Variants in TRIO observed in about 807,000 individuals in gnomAD.
TRIO encodes triple functional domain protein.
A neutral mutation model predicts 351.9 loss-of-function variants in TRIO; 58 were observed. That is an observed-to-expected ratio of 0.16 (90% confidence interval 0.13 to 0.21). The LOEUF (loss-of-function observed/expected upper bound fraction) is 0.21. Among genes scored for constraint, TRIO ranks in the 10% least tolerant of loss-of-function variants. The probability of loss-of-function intolerance (pLI) is 1.00; values close to 1 mark genes in which losing one functional copy is unlikely to be tolerated. For synonymous variants in TRIO, 1,758 were observed against 1,595.7 expected (o/e 1.10, Z -2.42); for missense variants, 3,201 against 4,027.8 (o/e 0.79, Z 5.56).
chr5:14,171,195 A>G (rs1366532660), intron 1 of TRIO, among the ~76,000 whole-genome samples: 5 of 152,190 alleles, frequency 3.3e-5, no homozygotes, highest in Admixed American at 6.5e-5. Flanking sequence ...TTGTCACTTC[A>G]GTTTGCATGA....
intron 34 of TRIO, among the ~76,000 whole-genome samples, chr5:14,450,185 G>A (rs570867792): frequency 4.3e-4 from 65 of 152,294 alleles, no homozygotes; most frequent in Non-Finnish European, 6.2e-4. Context: ...ATATCTCTAG[G>A]ACTCCTCACT....
chr5:14,331,616 T>C (rs1740911248), intron 10 of TRIO, among the ~76,000 whole-genome samples: 2 of 152,134 alleles, frequency 1.3e-5, no homozygotes, highest in African/African-American at 4.8e-5. Context: ...GAACCTCATG[T>C]TTAGGTGGTG....
intron 1 of TRIO, among the ~76,000 whole-genome samples, chr5:14,252,855 T>C (rs894822240): frequency 6.6e-6 from 1 of 151,444 alleles, no homozygotes; most frequent in Non-Finnish European, 1.5e-5. Context: ...TTGAGGGGAG[T>C]GGAAGCAGGC....
intron 34 of TRIO, 110 bp from the exon 35 acceptor site, chr5:14,460,909 C>A: frequency 7.6e-7 from 1 of 1,310,276 alleles, no homozygotes; most frequent in Non-Finnish European, 1.0e-6. Flanking sequence ...AGCCCGCTGA[C>A]GAGGCATCCA....
intron 7 of TRIO, among the ~76,000 whole-genome samples, chr5:14,300,475 A>C (rs1214209496): frequency 5.9e-5 from 9 of 152,226 alleles, no homozygotes; most frequent in Non-Finnish European, 5.9e-5. Context: ...GCACAGATAC[A>C]CATTTCTATC....
chr5:14,290,699 AT>A lies in TRIO; in HGVS notation c.541-9del. 11 of 1,570,408 alleles carry A rather than the reference AT, an allele frequency of 7.0e-6. No individual in the cohort carries two copies. The highest frequency in any genetic ancestry group is 2.3e-5 in the East Asian group (1 of 44,340). The stretch of plus-strand genomic sequence containing the variant: ...AAATTGGTTCATCTTCTCATACGTG[AT>A]TTTTTTTCCCTTAAGACAAATATGG... On this transcript the variant is annotated splice_polypyrimidine_tract_variant and intron_variant, in intron 4 of 56. Coordinates refer to ENST00000344204, the MANE Select transcript of TRIO (RefSeq NM_007118.4).
intron 1 of TRIO, among the ~76,000 whole-genome samples, chr5:14,213,034 T>G (rs2152196865): frequency 6.6e-6 from 1 of 152,292 alleles, no homozygotes; most frequent in Non-Finnish European, 1.5e-5. Flanking sequence ...ACGGACAAAG[T>G]ACACTAGGGG....
chr5:14,261,339 T>C lies in TRIO; in HGVS notation c.158-9486T>C, dbSNP rs558008859. Among the ~76,000 whole-genome samples, 6 of 152,294 alleles carry C rather than the reference T, an allele frequency of 3.9e-5. No homozygotes were observed. The East Asian group carries it at 9.6e-4, about 24-fold the overall frequency. On this transcript the variant is annotated intron_variant, in intron 1 of 56. Transcript: ENST00000344204. ...TACAGATGTTCTGAGGAGTTACAGT[T>C]TGTGCTGGGAGGCCTCACAGAGGCT...
At position 14,509,621 on chromosome 5, in the gene TRIO, G is replaced by A. The variant is rs1231247026; in HGVS notation, c.*1199G>A. The A allele has an allele frequency of 3.4e-5, 11 of 326,292 alleles. No homozygotes were observed. The highest frequency in any genetic ancestry group is 8.9e-5 in the African/African-American group (4 of 44,720). 20.2% of individuals were successfully genotyped at this position (326,292 alleles called of 1,614,324 possible). On this transcript the variant is annotated 3_prime_UTR_variant, in exon 57 of 57. Coordinates refer to ENST00000344204, the MANE Select transcript of TRIO (RefSeq NM_007118.4). ...TTTACTACTTTTTAGACTTTTTGAC[G>A]TTGAACTTTCTGTATAAAAATTGGC...
In TRIO at chr5:14,508,764, A is replaced by C; in HGVS notation, c.*342A>C. The C allele has an allele frequency of 4.4e-6, 1 of 226,316 alleles. No individual in the cohort carries two copies. Among genetic ancestry groups the C allele is most frequent in the African/African-American group, 2.3e-5 (1 of 43,390 alleles). The allele number at this position is 226,316 out of a possible 1,614,324, so 14.0% of individuals were successfully genotyped here. On this transcript the variant is annotated 3_prime_UTR_variant, in exon 57 of 57. Coordinates refer to ENST00000344204, the MANE Select transcript of TRIO (RefSeq NM_007118.4). The stretch of plus-strand genomic sequence containing the variant: ...TTCAAGATTTATTCAAGGAAACAAA[A>C]TGCCTATGTTCAACCACTGGTGTTA...
chr5:14,182,888 A>T (rs1195525389), intron 1 of TRIO, among the ~76,000 whole-genome samples: 1 of 144,132 alleles, frequency 6.9e-6, no homozygotes, highest in African/African-American at 2.7e-5. Context: ...TTTGCCGTGC[A>T]CTTTGTTCTA....
At chr5:14,189,909 A>T (rs931055350) in intron 1 of TRIO, among the ~76,000 whole-genome samples, 3 of 151,440 alleles carry the variant, frequency 2.0e-5, no homozygotes, top group Admixed American at 2.0e-4. Flanking sequence ...TTTTGTAGAG[A>T]TGGGGTCTTG....
At position 14,488,093 on chromosome 5, in the gene TRIO, A is replaced by G. The variant is rs1756137497; in HGVS notation, c.7465A>G (p.Ile2489Val). ...LQKGGSFWSS[I>V]PASPASRPGS... ...GAAGGGGGGCTCCTTCTGGAGCTCC[A>G]TCCCCGCCTCCCCCGCCAGCCGACC... Residue 2489 changes from isoleucine to valine, a missense_variant, in exon 48 of 57, where the codon ATC becomes GTC. Coordinates refer to ENST00000344204, the MANE Select transcript of TRIO (RefSeq NM_007118.4). 23 of 1,603,324 alleles carry G rather than the reference A, an allele frequency of 1.4e-5. No homozygotes were observed. The highest frequency in any genetic ancestry group is 1.9e-5 in the Non-Finnish European group (22 of 1,177,912).
At chr5:14,504,305 C>T in intron 54 of TRIO, 88 bp from the exon 55 acceptor site, 1 of 1,465,164 alleles carries the variant, frequency 6.8e-7, no homozygotes, top group Admixed American at 1.8e-5. Context: ...TGGGCCACCA[C>T]ACAGCCAGTC....
chr5:14,453,568 G>C (rs988233585), intron 34 of TRIO, among the ~76,000 whole-genome samples: 1 of 152,064 alleles, frequency 6.6e-6, no homozygotes, highest in Admixed American at 6.5e-5. Flanking sequence ...TATGAAGTTT[G>C]TTTGTTCCCA....
At chr5:14,358,759 G>A (rs1023458434) in intron 12 of TRIO, among the ~76,000 whole-genome samples, 3 of 152,130 alleles carry the variant, frequency 2.0e-5, no homozygotes, top group Admixed American at 6.5e-5. Context: ...TGCATGGGGC[G>A]GACACCCACC....
intron 1 of TRIO, among the ~76,000 whole-genome samples, chr5:14,237,613 G>A (rs2152230330): frequency 6.6e-6 from 1 of 152,358 alleles, no homozygotes; most frequent in African/African-American, 2.4e-5. Context: ...GAAATCAACA[G>A]TTGTAGCCTT....
intron 56 of TRIO, 109 bp from the exon 57 acceptor site, chr5:14,507,771 C>G: frequency 7.3e-7 from 1 of 1,368,832 alleles, no homozygotes; most frequent in South Asian, 1.4e-5. Context: ...ATGGCTTGTC[C>G]TAGTTGACAT....
intron 41 of TRIO, among the ~76,000 whole-genome samples, chr5:14,478,421 G>A (rs560886370): frequency 1.3e-3 from 199 of 152,296 alleles, no homozygotes; most frequent in South Asian, 4.4e-3. Context: ...CATCTTAGTG[G>A]TATTTAGAAA....
Sources: allele counts gnomAD v4.1 joint callset (sites outside exome capture counted in the v4.1 genomes callset), GRCh38; gene constraint gnomAD v4.1.1; transcripts MANE v1.5; gene names NCBI Gene and HGNC (gene_info 2026-07-23, HGNC 2026-07-21).